Variants in KIRREL3 observed in about 807,000 individuals in gnomAD.
KIRREL3 encodes kirre like nephrin family adhesion molecule 3.
KIRREL3 carries 36 observed loss-of-function variants against 89.7 expected under a neutral mutation model. The observed-to-expected ratio is 0.40, with a 90% CI of 0.31 to 0.53. KIRREL3 has a LOEUF of 0.53. Among genes scored for constraint, KIRREL3 ranks in the 20% least tolerant of loss-of-function variants. KIRREL3 has a pLI of 0.49. For missense variants in KIRREL3, 864 were observed against 1,056.6 expected (o/e 0.82, Z 2.53); for synonymous variants, 445 against 441.4 (o/e 1.01, Z -0.10).
rs1158937727 is a variant in KIRREL3, at chr11:126,943,975, T to G, written c.55+56480A>C. Among the ~76,000 whole-genome samples, 1 of 152,182 alleles carries G rather than the reference T, an allele frequency of 6.6e-6. No individual in the cohort carries two copies. The highest frequency in any genetic ancestry group is 1.5e-5 in the Non-Finnish European group (1 of 68,020). On this transcript the variant is annotated intron_variant, in intron 1 of 16. Coordinates refer to ENST00000525144, the MANE Select transcript of KIRREL3 (RefSeq NM_032531.4). This position sits in a 1 kb window ranked among gnomAD's most constrained non-coding sequence, Gnocchi z 4.2. ...GACAAAACAGCAGAGGCAGGAAGTT[T>G]GCTCTCACCTTCCCCTCGCCTTTCT... is the stretch of plus-strand genomic sequence containing the variant.
chr11:126,913,455 A>C (rs899425479), intron 1 of KIRREL3, among the ~76,000 whole-genome samples: 5 of 152,214 alleles, frequency 3.3e-5, no homozygotes, highest in African/African-American at 1.2e-4. Context: ...GAGGATGGAA[A>C]GCCACACAGT....
chr11:126,836,486 C>A (rs76677674), intron 1 of KIRREL3, among the ~76,000 whole-genome samples: 1 of 96,298 alleles, frequency 1.0e-5, no homozygotes, highest in Non-Finnish European at 2.2e-5. Context: ...TGAACTTAAA[C>A]TAAACAGTTC....
rs1053155834 is a variant in KIRREL3 at position 126,771,679 on chromosome 11, A to G, written c.56-208767T>C. Among the ~76,000 whole-genome samples, 3 of 152,250 alleles carry G rather than the reference A, an allele frequency of 2.0e-5. No homozygotes were observed. Among genetic ancestry groups the G allele is most frequent in the African/African-American group, 7.2e-5 (3 of 41,472 alleles). Reference sequence around the variant, plus strand: ...TGGGCAGTTAATAAATATTTGCTGAATGAATGACTGGCTTCTACTGGTGAT... The same window carrying G: ...TGGGCAGTTAATAAATATTTGCTGAGTGAATGACTGGCTTCTACTGGTGAT... On this transcript the variant is annotated intron_variant, in intron 1 of 16. Coordinates refer to ENST00000525144, the MANE Select transcript of KIRREL3 (RefSeq NM_032531.4). The surrounding 1 kb of genome is among the most constrained non-coding windows in gnomAD (Gnocchi z 4.4).
In KIRREL3 at chr11:126,424,384, CCTCTGG is replaced by C; in HGVS notation, c.*190_*195del. On this transcript the variant is annotated 3_prime_UTR_variant, in exon 17 of 17. Coordinates refer to ENST00000525144, the MANE Select transcript of KIRREL3 (RefSeq NM_032531.4). The stretch of plus-strand genomic sequence containing the variant: ...CTCTGTCTGTCTCCCCACCCGCCCA[CCTCTGG>C]CACACAGCACCTGGGGACCCAGATT... 2.1e-6 allele frequency: 1 copy of C among 481,370 alleles called. No homozygotes were observed. 29.8% of individuals were successfully genotyped at this position (481,370 alleles called of 1,614,324 possible).
intron 1 of KIRREL3, among the ~76,000 whole-genome samples, chr11:126,670,432 T>G (rs1311189185): frequency 1.3e-5 from 2 of 152,176 alleles, no homozygotes. Context: ...TATTGACCAC[T>G]GTACTGGAAG....
intron 1 of KIRREL3, among the ~76,000 whole-genome samples, chr11:126,986,456 C>G (rs1470864827): frequency 6.6e-6 from 1 of 152,090 alleles, no homozygotes; most frequent in Non-Finnish European, 1.5e-5. Context: ...CCTTTATGGA[C>G]AAGAGCATCT....
chr11:126,971,039 T>C (rs1735892122), intron 1 of KIRREL3, among the ~76,000 whole-genome samples: 1 of 152,206 alleles, frequency 6.6e-6, no homozygotes, highest in Non-Finnish European at 1.5e-5. Flanking sequence ...TTATTTATTG[T>C]TCCCCACTCT....
rs749244960 is a variant in KIRREL3, at chr11:126,462,639, C to T, written c.742+518G>A. Among the ~76,000 whole-genome samples, 2 of 152,144 alleles carry T rather than the reference C, an allele frequency of 1.3e-5. No individual in the cohort carries two copies. The highest frequency in any genetic ancestry group is 2.9e-5 in the Non-Finnish European group (2 of 68,034). ...CGAGATTGCGTCATTACACTCCAGC[C>T]TGGGCAACAGAGTGAGACTCTGTCT... On this transcript the variant is annotated intron_variant, in intron 6 of 16. Transcript: ENST00000525144. This position sits in a 1 kb window ranked among gnomAD's most constrained non-coding sequence, Gnocchi z 4.8.
At chr11:126,968,777 T>C (rs1949350571) in intron 1 of KIRREL3, among the ~76,000 whole-genome samples, 1 of 152,002 alleles carries the variant, frequency 6.6e-6, no homozygotes, top group African/African-American at 2.4e-5. Context: ...TATCCACAAA[T>C]CAGGAACTCT....
intron 1 of KIRREL3, among the ~76,000 whole-genome samples, chr11:126,650,175 C>T (rs1293920241): frequency 6.6e-6 from 1 of 152,222 alleles, no homozygotes; most frequent in African/African-American, 2.4e-5. Flanking sequence ...CCCATGAAAC[C>T]ATTTTCTCCT....
intron 1 of KIRREL3, among the ~76,000 whole-genome samples, chr11:126,889,500 G>GA (rs995062907): frequency 2.7e-5 from 4 of 149,488 alleles, no homozygotes; most frequent in South Asian, 2.1e-4. Flanking sequence ...GTTCTTCTTG[G>GA]AAAAAAAAAG....
At chr11:126,958,334 T>A (rs969602126) in intron 1 of KIRREL3, among the ~76,000 whole-genome samples, 2 of 152,364 alleles carry the variant, frequency 1.3e-5, no homozygotes, top group Admixed American at 1.3e-4. Flanking sequence ...ACCCTCTTTC[T>A]GACATTGGCC....
At chr11:126,824,908 T>C (rs1943353218) in intron 1 of KIRREL3, among the ~76,000 whole-genome samples, 1 of 152,162 alleles carries the variant, frequency 6.6e-6, no homozygotes, top group Non-Finnish European at 1.5e-5. Flanking sequence ...AGGGTAAAGA[T>C]CTTGAGGCCC....
intron 1 of KIRREL3, among the ~76,000 whole-genome samples, chr11:126,700,926 C>T (rs1947291399): frequency 6.6e-6 from 1 of 152,192 alleles, no homozygotes; most frequent in African/African-American, 2.4e-5. Flanking sequence ...AAACTTATAT[C>T]CGGCCATGTA....
At position 127,000,753 on chromosome 11, in the gene KIRREL3, G is replaced by A. The variant is rs1160185762; in HGVS notation, c.-244C>T. 7.6e-6 allele frequency: 4 copies of A among 525,560 alleles called. No individual in the cohort carries two copies. Among genetic ancestry groups the A allele is most frequent in the Non-Finnish European group, 1.0e-5 (3 of 298,228 alleles). 32.6% of individuals were successfully genotyped at this position (525,560 alleles called of 1,614,324 possible). ...GGGATTGTCAGCAATGTCCCCACTC[G>A]GAGAAGATCCATTCTCTGGCTCTTG... On this transcript the variant is annotated 5_prime_UTR_variant, in exon 1 of 17. The change creates a premature stop within an existing upstream ORF in the 5' untranslated region. Transcript: ENST00000525144. This position sits in a 1 kb window ranked among gnomAD's most constrained non-coding sequence, Gnocchi z 7.1.
chr11:126,675,649 G>A (rs1488925034), intron 1 of KIRREL3, among the ~76,000 whole-genome samples: 2 of 152,216 alleles, frequency 1.3e-5, no homozygotes, highest in East Asian at 1.9e-4. Context: ...CAAGAACAAA[G>A]AGCCTGCTTC....
At chr11:126,935,529 T>A (rs967826160) in intron 1 of KIRREL3, 5 of 152,124 alleles carry the variant, frequency 3.3e-5, no homozygotes, top group African/African-American at 9.7e-5. Flanking sequence ...TCCAGACAAC[T>A]GGAATATTAT....
Position 126,526,393 on chromosome 11 carries a change from G to C in KIRREL3, c.283+145C>G. ...GGATGCTGGGTGCAGTGCTTGCCTA[G>C]CCTGACTCTGCCTGAGGAGTTGCAG... On this transcript the variant is annotated intron_variant, in intron 3 of 16. Coordinates refer to ENST00000525144, the MANE Select transcript of KIRREL3 (RefSeq NM_032531.4). This position sits in a 1 kb window ranked among gnomAD's most constrained non-coding sequence, Gnocchi z 5.7. The C allele has an allele frequency of 1.3e-6, 1 of 794,516 alleles. No homozygotes were observed. Among genetic ancestry groups the C allele is most frequent in the South Asian group, 1.8e-5 (1 of 54,322 alleles). The allele number at this position is 794,516 out of a possible 1,614,324, so 49.2% of individuals were successfully genotyped here.
rs2135234386 is a variant in KIRREL3, at chr11:126,976,892, G to T, written c.55+23563C>A. ...GTGACTCTAAACCACCAACTTGTAT[G>T]ATCTCTTCCTGTCACATCCCCTATC... On this transcript the variant is annotated intron_variant, in intron 1 of 16. Transcript: ENST00000525144. This position sits in a 1 kb window ranked among gnomAD's most constrained non-coding sequence, Gnocchi z 4.2. 1.3e-5 allele frequency among the ~76,000 whole-genome samples: 2 copies of T among 152,166 alleles called. No individual in the cohort carries two copies. The highest frequency in any genetic ancestry group is 3.4e-3 in the Middle Eastern group (1 of 294).
Sources: gnomAD v4.1 joint callset for allele counts (sites outside exome capture counted in the v4.1 genomes callset) on GRCh38, gnomAD v4.1.1 for gene constraint, Gnocchi (gnomAD v3.1) non-coding constraint, MANE v1.5 for transcripts, NCBI Gene and HGNC (gene_info 2026-07-23, HGNC 2026-07-21) for gene names.